LIPF: variants seen among roughly 807,000 people sequenced by gnomAD.
The protein encoded by LIPF is gastric triacylglycerol lipase.
Under a neutral mutation model 38.0 loss-of-function variants are expected in LIPF, and 25 were observed. The observed-to-expected ratio is 0.66, with a 90% CI of 0.48 to 0.92. The LOEUF (loss-of-function observed/expected upper bound fraction) is 0.92. Among genes scored for constraint, LIPF ranks in the 40% least tolerant of loss-of-function variants. The pLI is 0.00. For synonymous variants in LIPF, 161 were observed against 156.2 expected (o/e 1.03, Z -0.23); for missense variants, 410 against 469.9 (o/e 0.87, Z 1.18).
chr10:88,670,295 T>C (rs775625671), intron 5 of LIPF, among the ~76,000 whole-genome samples: 1 of 152,098 alleles, frequency 6.6e-6, no homozygotes, highest in Non-Finnish European at 1.5e-5. Context: ...AATACAGAAA[T>C]AAATAAAATA....
intron 7 of LIPF, 100 bp downstream of exon 7, chr10:88,673,834 C>A: frequency 1.1e-6 from 1 of 880,706 alleles, no homozygotes; most frequent in Non-Finnish European, 1.8e-6. Flanking sequence ...GGAGTAGGTT[C>A]AGAACTGCGA....
rs372419748 is a variant in LIPF at position 88,667,331 on chromosome 10, T to C, written c.34T>C (p.Ser12Pro). ...GCTTTTAACAATGGCAAGTTTGATA[T>C]CTGTACTGGGGACTACACATGGTTT... ...WLLLTMASLI[S>P]VLGTTHGLFG... Residue 12 changes from serine to proline, a missense_variant, in exon 2 of 10, where the codon TCT becomes CCT. Ser to Pro is a moderately conservative substitution (Grantham distance 74). Coordinates refer to ENST00000238983, the MANE Select transcript of LIPF (RefSeq NM_004190.4). 1.5e-5 allele frequency: 24 copies of C among 1,613,104 alleles called. No individual in the cohort carries two copies. In the African/African-American group the frequency reaches 2.3e-4, roughly 15 times the overall value.
At chr10:88,672,670 A>ACACACACACACACTCT (rs869259093) in intron 6 of LIPF, among the ~76,000 whole-genome samples, 1 of 110,500 alleles carries the variant, frequency 9.0e-6, no homozygotes, top group African/African-American at 3.4e-5. Context: ...ACACACACAC[A>ACACACACACACACTCT]CTCTCTCTCT....
intron 1 of LIPF, chr10:88,665,439 G>A (rs1841496622): frequency 1.2e-6 from 1 of 836,456 alleles, no homozygotes; most frequent in Non-Finnish European, 2.0e-6. Flanking sequence ...ACAGCACACA[G>A]TGAGTCCTCT....
chr10:88,672,768 C>A (rs1169595341), intron 6 of LIPF, among the ~76,000 whole-genome samples: 1 of 150,946 alleles, frequency 6.6e-6, no homozygotes. Flanking sequence ...TTGTACTATT[C>A]ATCTCTTTTC....
intron 7 of LIPF, chr10:88,675,349 T>G: frequency 2.3e-6 from 1 of 439,082 alleles, no homozygotes; most frequent in Non-Finnish European, 4.0e-6. Flanking sequence ...ATTTTCATGT[T>G]GATAAAATGG....
intron 4 of LIPF, 88 bp from the exon 5 acceptor site, chr10:88,669,749 C>T (rs1841565929): frequency 1.1e-6 from 1 of 917,246 alleles, no homozygotes; most frequent in Non-Finnish European, 1.7e-6. Context: ...TTTCTGTATC[C>T]CAAAGGGATC....
chr10:88,669,155 A>G (rs778568824), intron 4 of LIPF: 15 of 174,432 alleles, frequency 8.6e-5, no homozygotes, highest in Non-Finnish European at 1.9e-4. Flanking sequence ...TGAAATTCAG[A>G]TATCATGGAG....
chr10:88,675,118 T>C (rs1841666439), intron 7 of LIPF, among the ~76,000 whole-genome samples: 1 of 152,104 alleles, frequency 6.6e-6, no homozygotes. Flanking sequence ...GCATTAAGAG[T>C]CACTATGAAG....
intron 9 of LIPF, 127 bp from the exon 10 acceptor site, chr10:88,678,318 C>A: frequency 1.3e-6 from 1 of 742,918 alleles, no homozygotes; most frequent in Non-Finnish European, 2.4e-6. Context: ...GTGGTTTTCT[C>A]TGTGCAATCA....
Position 88,671,827 on chromosome 10 carries a change from A to G in LIPF, c.533-2A>G, listed in dbSNP as rs765509528. ...TTTCACCAGTTCCTTGTTCTTTTTC[A>G]GGTTTTATTGCCTTTTCCACCAATC... On this transcript the variant is annotated splice_acceptor_variant, in intron 5 of 9. Coordinates refer to ENST00000238983, the MANE Select transcript of LIPF (RefSeq NM_004190.4). LOFTEE classifies it high-confidence loss of function. 25 of 1,607,694 alleles carry G rather than the reference A, an allele frequency of 1.6e-5. No individual in the cohort carries two copies. The highest frequency in any genetic ancestry group is 2.0e-5 in the Non-Finnish European group (24 of 1,178,136).
chr10:88,673,622 A>G lies in LIPF; in HGVS notation c.704A>G (p.Asn235Ser). The G allele has an allele frequency of 6.2e-7, 1 of 1,612,140 alleles. No homozygotes were observed. Among genetic ancestry groups the G allele is most frequent in the Non-Finnish European group, 8.5e-7 (1 of 1,178,528 alleles). ...GGTGACAAAATATTCTACCCACACA[A>G]CTTCTTTGATCAATTTCTTGCTACT... Reference protein sequence around the residue: ...IFGDKIFYPHNFFDQFLATEV... With the variant: ...IFGDKIFYPHSFFDQFLATEV... Residue 235 changes from asparagine (N) to serine (S), a missense_variant, in exon 7 of 10, where the codon AAC becomes AGC. Coordinates refer to ENST00000238983, the MANE Select transcript of LIPF (RefSeq NM_004190.4).
At chr10:88,665,513 GC>G (rs1564955728) in intron 1 of LIPF, 1 of 1,532,418 alleles carries the variant, frequency 6.5e-7, no homozygotes, top group South Asian at 1.2e-5. Context: ...AATTTATTCT[GC>G]CCTTGAACAT....
At chr10:88,676,411 C>T (rs1373466384) in intron 9 of LIPF, 131 bp downstream of exon 9, 2 of 634,988 alleles carry the variant, frequency 3.1e-6, no homozygotes, top group Non-Finnish European at 5.5e-6. Flanking sequence ...TCTCATTCTC[C>T]CACATGACTA....
intron 7 of LIPF, 24 bp downstream of exon 7, chr10:88,673,758 T>A: frequency 6.3e-7 from 1 of 1,589,246 alleles, no homozygotes; most frequent in East Asian, 2.2e-5. Flanking sequence ...TCAATTTCTA[T>A]ATTTTGAGCA....
At chr10:88,667,456 A>ATCTTTAAC in intron 2 of LIPF, 54 bp downstream of exon 2, 1 of 1,157,738 alleles carries the variant, frequency 8.6e-7, no homozygotes, top group Non-Finnish European at 1.3e-6. Flanking sequence ...ATTATTTAAA[A>ATCTTTAAC]TCATAATGAG....
chr10:88,667,835 C>T, intron 3 of LIPF, 149 bp downstream of exon 3: 1 of 567,462 alleles, frequency 1.8e-6, no homozygotes. Context: ...AATGTAATGT[C>T]TTGCTCATTC....
intron 6 of LIPF, among the ~76,000 whole-genome samples, chr10:88,672,770 T>C (rs1370982638): frequency 2.0e-5 from 3 of 152,062 alleles, no homozygotes; most frequent in African/African-American, 7.3e-5. Context: ...GTACTATTCA[T>C]CTCTTTTCAT....
chr10:88,665,437 C>A, intron 1 of LIPF: 1 of 820,006 alleles, frequency 1.2e-6, no homozygotes, highest in Non-Finnish European at 2.0e-6. Flanking sequence ...GTACAGCACA[C>A]AGTGAGTCCT....
Sources: gnomAD v4.1 joint callset for allele counts (sites outside exome capture counted in the v4.1 genomes callset) on GRCh38, gnomAD v4.1.1 for gene constraint, MANE v1.5 for transcripts, NCBI Gene and HGNC (gene_info 2026-07-23, HGNC 2026-07-21) for gene names.